MYO10: variants seen among roughly 807,000 people sequenced by gnomAD.
MYO10 encodes the protein myosin X, also known as unconventional myosin-X.
In MYO10, 133 loss-of-function variants were observed where a neutral mutation model predicts 257.3. That is an observed-to-expected ratio of 0.52 (90% CI 0.45 to 0.60). The LOEUF is 0.60. MYO10 is among the 20% of genes least tolerant of loss of function. The probability of loss-of-function intolerance (pLI) is 0.00; values close to 1 mark genes in which losing one functional copy is unlikely to be tolerated. For synonymous variants in MYO10, 1,104 were observed against 1,028.6 expected, an observed-to-expected ratio of 1.07 and a Z score of -1.40; for missense variants, 2,399 against 2,635.7, an observed-to-expected ratio of 0.91 and a Z score of 1.97.
At chr5:16,838,524 T>C (rs1743380421) in intron 2 of MYO10, among the ~76,000 whole-genome samples, 1 of 152,144 alleles carries the variant, frequency 6.6e-6, no homozygotes, top group South Asian at 2.1e-4. Flanking sequence ...TGATGAGATT[T>C]AAGAAAAGAA....
intron 19 of MYO10, chr5:16,742,250 C>T: frequency 1.0e-6 from 1 of 985,318 alleles, no homozygotes; most frequent in Middle Eastern, 5.2e-4. Context: ...TCACTCGCTG[C>T]AATTTATCCT....
At chr5:16,669,791 G>C (rs1736358189) in intron 39 of MYO10, among the ~76,000 whole-genome samples, 1 of 152,134 alleles carries the variant, frequency 6.6e-6, no homozygotes, top group Admixed American at 6.6e-5. Flanking sequence ...CATAAAAAAT[G>C]GAAGCTAATC....
At chr5:16,823,266 G>A (rs940158026) in intron 2 of MYO10, among the ~76,000 whole-genome samples, 4 of 149,646 alleles carry the variant, frequency 2.7e-5, no homozygotes, top group South Asian at 2.2e-4. Context: ...CCAACGTGGT[G>A]AAATCCCGTC....
rs528001257 is a variant in MYO10, at chr5:16,850,389, T to C, written c.120+27220A>G. Among the ~76,000 whole-genome samples the C allele has an allele frequency of 1.1e-3, 168 of 152,206 alleles. 1 individual carries two copies. The highest frequency in any genetic ancestry group is 4.0e-3 in the African/African-American group (166 of 41,542). On this transcript the variant is annotated intron_variant, in intron 2 of 40. Transcript: ENST00000513610. ...CCTGGGTTCAAGCGATTGATTCTTC[T>C]GCCTCAGCCTCCCGAGTACCTGGGA... is the stretch of plus-strand genomic sequence containing the variant.
At chr5:16,803,387 C>T (rs2126689964) in intron 3 of MYO10, among the ~76,000 whole-genome samples, 1 of 152,062 alleles carries the variant, frequency 6.6e-6, no homozygotes, top group Non-Finnish European at 1.5e-5. Flanking sequence ...AAGATTGTGC[C>T]ACCGCACTCC....
At chr5:16,918,513 T>TG (rs1745889727) in intron 1 of MYO10, among the ~76,000 whole-genome samples, 1 of 147,670 alleles carries the variant, frequency 6.8e-6, no homozygotes, top group East Asian at 2.0e-4. Context: ...TTTTTTTTTT[T>TG]TTTTTTGAGA....
At chr5:16,724,303 G>C (rs1344170905) in intron 19 of MYO10, among the ~76,000 whole-genome samples, 2 of 152,116 alleles carry the variant, frequency 1.3e-5, no homozygotes, top group Non-Finnish European at 2.9e-5. Flanking sequence ...TACTGTACAT[G>C]TACACTGGAA....
chr5:16,899,376 T>C (rs184496509), intron 1 of MYO10, among the ~76,000 whole-genome samples: 3 of 152,152 alleles, frequency 2.0e-5, no homozygotes, highest in African/African-American at 7.2e-5. Context: ...GACTCACGCC[T>C]GTAATCCCGG....
intron 32 of MYO10, among the ~76,000 whole-genome samples, chr5:16,680,368 T>C (rs1736936149): frequency 6.6e-6 from 1 of 152,162 alleles, no homozygotes; most frequent in Admixed American, 6.5e-5. Context: ...TAAAGATAAA[T>C]GATAACTGGC....
intron 1 of MYO10, among the ~76,000 whole-genome samples, chr5:16,896,710 A>C (rs2126780068): frequency 6.6e-6 from 1 of 152,332 alleles, no homozygotes; most frequent in Admixed American, 6.5e-5. Context: ...GTGGAATGAC[A>C]GGAGCTGGAT....
At chr5:16,673,954 G>A (rs1736600020) in intron 35 of MYO10, 65 bp from the exon 36 acceptor site, 2 of 1,463,492 alleles carry the variant, frequency 1.4e-6, no homozygotes, top group South Asian at 1.2e-5. Context: ...GAGGAACTAG[G>A]CTGTGCCAAG....
At chr5:16,732,178 T>TA (rs2126617515) in intron 19 of MYO10, among the ~76,000 whole-genome samples, 1 of 152,092 alleles carries the variant, frequency 6.6e-6, no homozygotes, top group South Asian at 2.1e-4. Context: ...GCAAATCAAT[T>TA]AAAGTATGCT....
chr5:16,756,336 G>A (rs992838799), intron 18 of MYO10, among the ~76,000 whole-genome samples: 1 of 152,178 alleles, frequency 6.6e-6, no homozygotes, highest in Admixed American at 6.6e-5. Context: ...AAAGTGCTGG[G>A]ATTACAGGCA....
At chr5:16,777,839 C>CTTT (rs61326508) in intron 9 of MYO10, among the ~76,000 whole-genome samples, 1,555 of 88,404 alleles carry the variant, frequency 0.018, 236 homozygotes, top group African/African-American at 0.066. Flanking sequence ...TTGCATCTAA[C>CTTT]TTTTTTTTTT....
chr5:16,916,926 T>C (rs1448010819), intron 1 of MYO10, among the ~76,000 whole-genome samples: 1 of 152,204 alleles, frequency 6.6e-6, no homozygotes, highest in Non-Finnish European at 1.5e-5. Flanking sequence ...GAATATAGTG[T>C]AGATTGCTAA....
At chr5:16,865,990 T>C (rs550593839) in intron 2 of MYO10, among the ~76,000 whole-genome samples, 4 of 147,986 alleles carry the variant, frequency 2.7e-5, no homozygotes, top group Non-Finnish European at 5.9e-5. Flanking sequence ...AAATGGTAAG[T>C]TTTATGTCAT....
intron 19 of MYO10, among the ~76,000 whole-genome samples, chr5:16,736,461 T>C (rs1739807821): frequency 6.6e-6 from 1 of 152,198 alleles, no homozygotes; most frequent in Non-Finnish European, 1.5e-5. Flanking sequence ...TCAGAGGTTG[T>C]ACACCTCTTT....
At chr5:16,853,833 C>T (rs1406615650) in intron 2 of MYO10, among the ~76,000 whole-genome samples, 1 of 152,146 alleles carries the variant, frequency 6.6e-6, no homozygotes, top group Non-Finnish European at 1.5e-5. Flanking sequence ...CTGCTTTCAA[C>T]CTCCTATCCT....
intron 1 of MYO10, chr5:16,916,303 G>C (rs1360596258): frequency 3.0e-6 from 1 of 329,370 alleles, no homozygotes; most frequent in Admixed American, 3.8e-5. Context: ...GTTCTGAGGA[G>C]TCTTTTTAAG....
Sources: allele counts gnomAD v4.1 joint callset (sites outside exome capture counted in the v4.1 genomes callset), GRCh38; gene constraint gnomAD v4.1.1; transcripts MANE v1.5; gene names NCBI Gene and HGNC (gene_info 2026-07-23, HGNC 2026-07-21).